LRBA: variants seen among roughly 807,000 people sequenced by gnomAD.
LRBA encodes lipopolysaccharide-responsive and beige-like anchor protein.
Under a neutral mutation model 330.0 loss-of-function variants are expected in LRBA, and 176 were observed. That is an observed-to-expected ratio of 0.53 (90% CI 0.47 to 0.60). The LOEUF is 0.60. Among genes scored for constraint, LRBA ranks in the 20% least tolerant of loss-of-function variants. LRBA has a pLI of 0.00. For synonymous variants in LRBA, 1,230 were observed against 1,193.0 expected, an observed-to-expected ratio of 1.03 and a Z score of -0.64; for missense variants, 3,259 against 3,444.8, an observed-to-expected ratio of 0.95 and a Z score of 1.35.
At position 150,278,074 on chromosome 4, in the gene LRBA, G is replaced by C. The variant is rs992500642; in HGVS notation, c.8317-70C>G. 1.5e-5 allele frequency: 22 copies of C among 1,420,498 alleles called. No homozygotes were observed. In the South Asian group the frequency reaches 2.5e-4, roughly 16 times the overall value. 88.0% of individuals were successfully genotyped at this position (1,420,498 alleles called of 1,614,324 possible). A position where few individuals can be genotyped will look rare whatever the true frequency, so the allele number is the denominator to read the frequency against. On this transcript the variant is annotated intron_variant, in intron 55 of 56. Coordinates refer to ENST00000651943, the MANE Select transcript of LRBA (RefSeq NM_001364905.1). Reference sequence around the variant, plus strand: ...CTTTCGGCCCCCACCCTGTTTTTGAGTCATTCTTACACCAGCTACTACGGT... The same window carrying C: ...CTTTCGGCCCCCACCCTGTTTTTGACTCATTCTTACACCAGCTACTACGGT...
Position 150,813,835 on chromosome 4 carries a change from T to C in LRBA, c.5305+3289A>G, listed in dbSNP as rs541015396. On this transcript the variant is annotated intron_variant, in intron 31 of 56. Transcript: ENST00000651943. ...AATTTTTTGCCCAACTGTAGGATAA[T>C]GTAAGTGTTCTGAGCACATTTAAGA... 9.2e-5 allele frequency among the ~76,000 whole-genome samples: 14 copies of C among 152,224 alleles called. No homozygotes were observed. In the South Asian group the frequency reaches 2.5e-3, roughly 27 times the overall value.
intron 34 of LRBA, among the ~76,000 whole-genome samples, chr4:150,764,104 C>T (rs190534706): frequency 1.3e-5 from 2 of 151,828 alleles, no homozygotes; most frequent in East Asian, 3.9e-4. Context: ...CAGAAAACTT[C>T]AAAATAGAAA....
intron 28 of LRBA, among the ~76,000 whole-genome samples, chr4:150,843,507 T>G (rs1052100125): frequency 6.6e-6 from 1 of 152,230 alleles, no homozygotes; most frequent in Non-Finnish European, 1.5e-5. Flanking sequence ...CAAAATCAGC[T>G]GAAACAAAAC....
intron 2 of LRBA, among the ~76,000 whole-genome samples, chr4:150,963,351 G>A (rs1299936878): frequency 2.0e-5 from 3 of 149,396 alleles, no homozygotes; most frequent in African/African-American, 7.7e-5. Context: ...ACACCTGACT[G>A]GTTTTCGTAT....
chr4:150,267,648 A>AAAT (rs1282904593), intron 56 of LRBA, among the ~76,000 whole-genome samples: 1 of 152,218 alleles, frequency 6.6e-6, no homozygotes. Context: ...AGAAGGAAGA[A>AAAT]AATAATAAAG....
intron 35 of LRBA, among the ~76,000 whole-genome samples, chr4:150,757,720 A>G (rs1734505436): frequency 6.6e-6 from 1 of 152,206 alleles, no homozygotes; most frequent in Non-Finnish European, 1.5e-5. Context: ...CCACTGATTT[A>G]GAAAAATAAA....
intron 44 of LRBA, among the ~76,000 whole-genome samples, chr4:150,457,008 T>G (rs777149720): frequency 6.6e-6 from 1 of 152,100 alleles, no homozygotes; most frequent in Non-Finnish European, 1.5e-5. Flanking sequence ...AATCTTTTCT[T>G]TTTAAAGTAA....
At chr4:150,351,414 G>A (rs926896682) in intron 47 of LRBA, among the ~76,000 whole-genome samples, 7 of 152,152 alleles carry the variant, frequency 4.6e-5, no homozygotes, top group African/African-American at 1.2e-4. Context: ...AGTAGGCCGG[G>A]CACGGTGGTT....
In LRBA at chr4:150,916,564, C is replaced by A. The variant is rs142847518; in HGVS notation, c.768-37G>T. The A allele has an allele frequency of 1.3e-3, 2,119 of 1,608,450 alleles. 1 individual carries two copies. The highest frequency in any genetic ancestry group is 2.4e-3 in the South Asian group (218 of 89,716). On this transcript the variant is annotated intron_variant, in intron 6 of 56. Transcript: ENST00000651943. Reference sequence around the variant, plus strand: ...AGTTTTCATTTTACCTCTAAATATTCTTCTCAGTTTCAAAGTAAGGTTTTA... The same window carrying A: ...AGTTTTCATTTTACCTCTAAATATTATTCTCAGTTTCAAAGTAAGGTTTTA...
chr4:150,578,319 T>C (rs1487268744), intron 40 of LRBA, among the ~76,000 whole-genome samples: 2 of 152,232 alleles, frequency 1.3e-5, no homozygotes, highest in African/African-American at 2.4e-5. Context: ...TAAAGTACTC[T>C]GTCAACTCAT....
intron 2 of LRBA, among the ~76,000 whole-genome samples, chr4:150,952,161 C>T (rs1489998164): frequency 6.6e-6 from 1 of 152,050 alleles, no homozygotes; most frequent in East Asian, 1.9e-4. Flanking sequence ...GTACTGGTCT[C>T]ACTGAGAACT....
rs781047779 is a variant in LRBA, at chr4:150,467,754, T to C, written c.6699A>G (p.Pro2233=). 8 of 1,600,038 alleles carry C rather than the reference T, an allele frequency of 5.0e-6. No homozygotes were observed. The highest frequency in any genetic ancestry group is 1.1e-5 in the South Asian group (1 of 89,754). Residue 2233 remains proline (P), a synonymous_variant, in exon 44 of 57, where the codon CCA becomes CCG. Transcript: ENST00000651943. ...AATTAGTGATGACCCAAGGAAACAC[T>C]GGATACTGATTTAAGTCATTATAAC... ...GRSYNDLNQY[P]VFPWVITNYE...
chr4:150,830,830 C>T (rs1233689979), intron 29 of LRBA, among the ~76,000 whole-genome samples: 1 of 134,278 alleles, frequency 7.4e-6, no homozygotes, highest in Non-Finnish European at 1.5e-5. Context: ...GTGGTGGGAT[C>T]TCTGCTCACT....
At chr4:150,346,783 A>AAAAAAAAAAAAAC (rs1736408222) in intron 48 of LRBA, among the ~76,000 whole-genome samples, 19 of 133,586 alleles carry the variant, frequency 1.4e-4, no homozygotes, top group African/African-American at 5.0e-4. Flanking sequence ...AAAAAAAAAA[A>AAAAAAAAAAAAAC]AAAACACTTA....
At chr4:150,654,766 T>G (rs1780021461) in intron 37 of LRBA, among the ~76,000 whole-genome samples, 1 of 152,148 alleles carries the variant, frequency 6.6e-6, no homozygotes, top group African/African-American at 2.4e-5. Context: ...ATTGTTCGAT[T>G]CCCACCTATG....
At position 150,435,617 on chromosome 4, in the gene LRBA, T is replaced by C. The variant is rs144189042; in HGVS notation, c.7013A>G (p.Asn2338Ser). 1.1e-5 allele frequency: 17 copies of C among 1,612,940 alleles called. No homozygotes were observed. The highest frequency in any genetic ancestry group is 1.4e-5 in the Non-Finnish European group (17 of 1,179,684). Reference protein sequence around the residue: ...TFSSISRAWRNSQRDTSDIKE... With the variant: ...TFSSISRAWRSSQRDTSDIKE... ...AATATCAGAGGTATCACGCTGACTG[T>C]TTCGCCAAGCTCTGGAAATTGATGA... is the stretch of plus-strand genomic sequence containing the variant. Residue 2338 changes from asparagine (N) to serine (S), a missense_variant, in exon 46 of 57, where the codon AAC becomes AGC. Coordinates refer to ENST00000651943, the MANE Select transcript of LRBA (RefSeq NM_001364905.1).
intron 56 of LRBA, among the ~76,000 whole-genome samples, chr4:150,269,168 G>A (rs575063924): frequency 1.4e-4 from 22 of 152,258 alleles, no homozygotes; most frequent in South Asian, 2.1e-4. Flanking sequence ...GTGACAGAGC[G>A]AAACAGAAAC....
intron 22 of LRBA, among the ~76,000 whole-genome samples, chr4:150,861,273 GTGTGT>G (rs1267407797): frequency 9.1e-6 from 1 of 110,188 alleles, no homozygotes; most frequent in African/African-American, 4.4e-5. Flanking sequence ...AGCTAATGGT[GTGTGT>G]GTGTGTGTGT....
intron 46 of LRBA, 66 bp from the exon 47 acceptor site, chr4:150,415,656 A>G: frequency 1.1e-6 from 1 of 945,112 alleles, no homozygotes. Flanking sequence ...ATTCAAAAAA[A>G]GGACCTGATC....
Sources: allele counts gnomAD v4.1 joint callset (sites outside exome capture counted in the v4.1 genomes callset), GRCh38; gene constraint gnomAD v4.1.1; transcripts MANE v1.5; gene names NCBI Gene and HGNC (gene_info 2026-07-23, HGNC 2026-07-21).